PEG3: variants seen among roughly 807,000 people sequenced by gnomAD.
PEG3 encodes paternally expressed 3.
A neutral mutation model predicts 35.5 loss-of-function variants in PEG3; 23 were observed. The observed-to-expected ratio is 0.65, with a 90% confidence interval of 0.47 to 0.92. The LOEUF (loss-of-function observed/expected upper bound fraction) is 0.92, where lower values mean the gene tolerates loss of function less well. Among genes scored for constraint, PEG3 ranks in the 40% least tolerant of loss-of-function variants. PEG3 has a pLI of 0.00. For missense variants in PEG3, 1,960 were observed against 1,985.3 expected, an observed-to-expected ratio of 0.99 and a Z score of 0.24; for synonymous variants, 707 against 697.0, an observed-to-expected ratio of 1.01 and a Z score of -0.23.
rs1183513410 is a variant in PEG3, at chr19:56,814,535, C to G, written c.3907G>C (p.Val1303Leu). ...TACTCATAGGGCTCATTCTTATGAA[C>G]AGTTACGTGATCTGCAAGTTCTGCT... is the stretch of plus-strand genomic sequence containing the variant. ...NPAELADHVT[V>L]HKNEPYEYGS... Residue 1303 changes from valine (V) to leucine (L), a missense_variant, in exon 10 of 10, where the codon GTT becomes CTT. Around this residue, in one of 5 missense-constraint regions of PEG3, gnomAD observed 416 missense variants for 416.7 expected, o/e 1.00. Transcript: ENST00000326441. This position sits in a 1 kb window ranked among gnomAD's most constrained non-coding sequence, Gnocchi z 5.8. 6.2e-7 allele frequency: 1 copy of G among 1,613,806 alleles called. No homozygotes were observed. The highest frequency in any genetic ancestry group is 1.1e-5 in the South Asian group (1 of 91,046).
At position 56,822,819 on chromosome 19, in the gene PEG3, G is replaced by GGTCCCA; in HGVS notation, c.493_498dup (p.Trp165_Asp166dup). 6.2e-7 allele frequency: 1 copy of GGTCCCA among 1,613,856 alleles called. No individual in the cohort carries two copies. Among genetic ancestry groups the GGTCCCA allele is most frequent in the Non-Finnish European group, 8.5e-7 (1 of 1,179,918 alleles). Reference sequence around the variant, plus strand: ...TCCATGTCTCTGCTTCTGCCCCTCCGGTCCCAGTCCCGGTCACCTAAGCAG... The same window carrying GGTCCCA: ...TCCATGTCTCTGCTTCTGCCCCTCCGGTCCCAGTCCCAGTCCCGGTCACCTAAGCAG... On this transcript the variant is annotated inframe_insertion, in exon 6 of 10. Transcript: ENST00000326441.
At chr19:56,817,931 A>C in intron 8 of PEG3, 96 bp from the exon 9 acceptor site, 1 of 947,282 alleles carries the variant, frequency 1.1e-6, no homozygotes, top group East Asian at 2.6e-5. Flanking sequence ...GAGCCACTAA[A>C]TATGAGGTGG....
chr19:56,819,299 G>T (rs879885316), intron 7 of PEG3, among the ~76,000 whole-genome samples: 1 of 152,178 alleles, frequency 6.6e-6, no homozygotes, highest in Non-Finnish European at 1.5e-5. Flanking sequence ...TCTCCAGTTT[G>T]CACAATTTCC....
chr19:56,840,059 G>A (rs1601365154), intron 1 of PEG3, among the ~76,000 whole-genome samples: 3 of 152,226 alleles, frequency 2.0e-5, no homozygotes, highest in Non-Finnish European at 2.9e-5. Flanking sequence ...CGGGCACGCC[G>A]GCGCCGCGAG....
intron 1 of PEG3, among the ~76,000 whole-genome samples, chr19:56,839,301 C>T (rs552731239): frequency 2.7e-5 from 4 of 148,332 alleles, no homozygotes; most frequent in Non-Finnish European, 4.5e-5. Flanking sequence ...CTGAGCAGAT[C>T]GTCATATCCA....
chr19:56,824,128 T>A, intron 4 of PEG3, 134 bp downstream of exon 4: 4 of 1,418,478 alleles, frequency 2.8e-6, no homozygotes, highest in Non-Finnish European at 3.8e-6. Context: ...TATCCCACAG[T>A]ACACAGGACA....
At chr19:56,829,100 C>A (rs956457229) in intron 2 of PEG3, among the ~76,000 whole-genome samples, 2 of 152,074 alleles carry the variant, frequency 1.3e-5, no homozygotes, top group African/African-American at 4.8e-5. Context: ...CCTGTAATCC[C>A]AGCACTTTGG....
Position 56,812,707 on chromosome 19 carries a change from T to C in PEG3, c.*968A>G, listed in dbSNP as rs966667865. On this transcript the variant is annotated 3_prime_UTR_variant, in exon 10 of 10. Transcript: ENST00000326441. ...GTTCTCAACCTTCATTAGGCACTAC[T>C]GTGATCTAGTGATGGTTGTAACCCA... The C allele has an allele frequency of 1.0e-6, 1 of 984,572 alleles. No homozygotes were observed. Among genetic ancestry groups the C allele is most frequent in the Non-Finnish European group, 1.2e-6 (1 of 828,956 alleles). 61.0% of individuals were successfully genotyped at this position (984,572 alleles called of 1,614,324 possible). A position where few individuals can be genotyped will look rare whatever the true frequency, so the allele number is the denominator to read the frequency against.
rs1347799247 is a variant in PEG3 at position 56,821,746 on chromosome 19, G to C, written c.574C>G (p.Pro192Ala). 5 of 1,613,784 alleles carry C rather than the reference G, an allele frequency of 3.1e-6. No homozygotes were observed. Among genetic ancestry groups the C allele is most frequent in the Non-Finnish European group, 4.2e-6 (5 of 1,180,030 alleles). ...HTRNPRSRMP[P>A]RDLSLPVVAK... ...ACCACAGGAAGGGAAAGATCCCGCG[G>C]AGGCATCCCTGGGAAGAAAAAAGGC... is the stretch of plus-strand genomic sequence containing the variant. Residue 192 changes from proline to alanine, a missense_variant, in exon 7 of 10, where the codon CCG becomes GCG. Pro to Ala is a conservative substitution (Grantham distance 27). Coordinates refer to ENST00000326441, the MANE Select transcript of PEG3 (RefSeq NM_006210.3).
intron 1 of PEG3, among the ~76,000 whole-genome samples, chr19:56,837,104 G>A (rs2062223682): frequency 1.3e-5 from 2 of 152,080 alleles, no homozygotes; most frequent in Admixed American, 6.5e-5. Flanking sequence ...GCCAGGGCTA[G>A]GTAAGTGAGC....
At chr19:56,833,045 G>A (rs969225574) in intron 2 of PEG3, 6 of 419,694 alleles carry the variant, frequency 1.4e-5, no homozygotes, top group Admixed American at 5.5e-5. Context: ...TTTAATCAGA[G>A]AAATGATGGG....
chr19:56,825,244 T>C (rs1437765237), intron 3 of PEG3, among the ~76,000 whole-genome samples: 1 of 152,194 alleles, frequency 6.6e-6, no homozygotes, highest in South Asian at 2.1e-4. Flanking sequence ...AACACAATTA[T>C]TAAAACACAG....
intron 1 of PEG3, among the ~76,000 whole-genome samples, 183 bp from the exon 2 acceptor site, chr19:56,836,287 C>T (rs2062092770): frequency 6.6e-6 from 1 of 152,158 alleles, no homozygotes; most frequent in Non-Finnish European, 1.5e-5. Context: ...GACCACCTCA[C>T]ACCCTGGGAT....
chr19:56,833,454 A>G (rs964563449), intron 2 of PEG3: 4 of 316,214 alleles, frequency 1.3e-5, no homozygotes, highest in African/African-American at 4.3e-5. Flanking sequence ...CAGCACGCAC[A>G]TGGAGTAAGA....
rs1009730773 is a variant in PEG3 at position 56,812,400 on chromosome 19, T to G, written c.*1275A>C. 3.0e-6 allele frequency: 3 copies of G among 984,606 alleles called. No individual in the cohort carries two copies. In the African/African-American group the frequency reaches 5.2e-5, roughly 17 times the overall value. The allele number at this position is 984,606 out of a possible 1,614,324, so 61.0% of individuals were successfully genotyped here. Reference sequence around the variant, plus strand: ...TGGGGAACCTGAGTCCATGTTAAGCTTGGGTTGACTGTAAAGAATTTTTTT... The same window carrying G: ...TGGGGAACCTGAGTCCATGTTAAGCGTGGGTTGACTGTAAAGAATTTTTTT... On this transcript the variant is annotated 3_prime_UTR_variant, in exon 10 of 10. Coordinates refer to ENST00000326441, the MANE Select transcript of PEG3 (RefSeq NM_006210.3).
At chr19:56,839,978 C>G (rs990178740) in intron 1 of PEG3, among the ~76,000 whole-genome samples, 4 of 152,236 alleles carry the variant, frequency 2.6e-5, no homozygotes, top group African/African-American at 7.2e-5. Context: ...AAGAAAACCC[C>G]TACAGGCAGG....
At position 56,837,876 on chromosome 19, in the gene PEG3, T is replaced by C. The variant is rs117714665; in HGVS notation, c.-249-1772A>G. 4.8e-3 allele frequency among the ~76,000 whole-genome samples: 733 copies of C among 152,172 alleles called. 15 individuals are homozygous for C. In the East Asian group the frequency reaches 0.052, roughly 11 times the overall value. The stretch of plus-strand genomic sequence containing the variant: ...GTACTAGGATGGACGGGGCTCACGC[T>C]CACTCCTACAGCGCAGCTGTCATTC... On this transcript the variant is annotated intron_variant, in intron 1 of 9. Transcript: ENST00000326441.
chr19:56,815,140 T>C lies in PEG3; in HGVS notation c.3302A>G (p.Asp1101Gly). 2 of 1,613,906 alleles carry C rather than the reference T, an allele frequency of 1.2e-6. No individual in the cohort carries two copies. The highest frequency in any genetic ancestry group is 8.5e-7 in the Non-Finnish European group (1 of 1,179,926). ...ACATTCATAGATTTTGTCATCAGGG[T>C]CATCCTTCTGAGGGTCTTCCATGTC... ...GSDMEDPQKDDPDDKIYECED... is the reference protein window; with the variant it reads ...GSDMEDPQKDGPDDKIYECED... Residue 1101 changes from aspartate (D) to glycine (G), a missense_variant, in exon 10 of 10, where the codon GAC (aspartate) becomes GGC (glycine). This residue lies in a region of PEG3 where 798 missense variants were observed against 782.4 expected (regional missense o/e 1.02). Transcript: ENST00000326441.
Position 56,814,629 on chromosome 19 carries a change from C to T in PEG3, c.3813G>A (p.Glu1271=). Residue 1271 remains glutamate (E), a synonymous_variant, in exon 10 of 10, where the codon GAG becomes GAA. Transcript: ENST00000326441. This position sits in a 1 kb window ranked among gnomAD's most constrained non-coding sequence, Gnocchi z 5.8. ...EAIIPGLALT[E]FQRSQTEERL... is the part of the protein sequence containing the mutation. The stretch of plus-strand genomic sequence containing the variant: ...TCTCTTCGGTCTGACTTCTCTGAAA[C>T]TCAGTGAGGGCTAAGCCTGGAATGA... 6.2e-7 allele frequency: 1 copy of T among 1,614,164 alleles called. No homozygotes were observed. Among genetic ancestry groups the T allele is most frequent in the Non-Finnish European group, 8.5e-7 (1 of 1,180,000 alleles).
Sources: gnomAD v4.1 joint callset for allele counts (sites outside exome capture counted in the v4.1 genomes callset) on GRCh38, gnomAD v4.1.1 for gene constraint, gnomAD v4.1.1 regional missense constraint, Gnocchi (gnomAD v3.1) non-coding constraint, MANE v1.5 for transcripts, NCBI Gene and HGNC (gene_info 2026-07-23, HGNC 2026-07-21) for gene names.